CNTN1: variants seen among roughly 807,000 people sequenced by gnomAD.
CNTN1 encodes contactin 1.
In CNTN1, 38 loss-of-function variants were observed where a neutral mutation model predicts 126.4. That is an observed-to-expected ratio of 0.30 (90% CI 0.23 to 0.39). The LOEUF (loss-of-function observed/expected upper bound fraction) is 0.39, where lower values mean the gene tolerates loss of function less well. Ranked by LOEUF, CNTN1 falls within the 10% of genes least tolerant of loss-of-function variation. The probability of loss-of-function intolerance (pLI) is 1.00; values close to 1 mark genes in which losing one functional copy is unlikely to be tolerated. For synonymous variants in CNTN1, 413 were observed against 422.6 expected (o/e 0.98, Z 0.28); for missense variants, 1,009 against 1,248.4 (o/e 0.81, Z 2.89).
intron 17 of CNTN1, among the ~76,000 whole-genome samples, chr12:41,002,554 C>CTTTTTTTTTTTTTTTTTT (rs200237008): frequency 1.5e-5 from 2 of 131,514 alleles, no homozygotes; most frequent in African/African-American, 3.1e-5. Context: ...TATAGGGTTT[C>CTTTTTTTTTTTTTTTTTT]TTTCTTTTTT....
intron 19 of CNTN1, among the ~76,000 whole-genome samples, chr12:41,020,067 G>T (rs1452719867): frequency 6.6e-6 from 1 of 151,890 alleles, no homozygotes; most frequent in Non-Finnish European, 1.5e-5. Context: ...AGTGTGTGTG[G>T]GAATGTGTAT....
intron 23 of CNTN1, among the ~76,000 whole-genome samples, chr12:41,036,532 AG>A (rs1421455754): frequency 2.6e-5 from 4 of 152,166 alleles, no homozygotes; most frequent in African/African-American, 9.6e-5. Context: ...TGATATTTTT[AG>A]TAGCACCATT....
At chr12:40,840,800 A>G (rs961922086) in intron 1 of CNTN1, among the ~76,000 whole-genome samples, 2 of 151,958 alleles carry the variant, frequency 1.3e-5, no homozygotes, top group Non-Finnish European at 1.5e-5. Context: ...AGAGCATACC[A>G]AAACCTATAG....
At chr12:41,017,417 A>G (rs1032096006) in intron 19 of CNTN1, among the ~76,000 whole-genome samples, 1 of 150,836 alleles carries the variant, frequency 6.6e-6, no homozygotes, top group African/African-American at 2.4e-5. Context: ...TAATGTATAT[A>G]TTATATATAT....
chr12:41,053,428 A>AATATATATATATATATATGTAT (rs1949730926), intron 23 of CNTN1, among the ~76,000 whole-genome samples: 2 of 64,116 alleles, frequency 3.1e-5, no homozygotes, highest in Admixed American at 3.8e-4. Context: ...GTTTTCACTA[A>AATATATATATATATATATGTAT]ATATATATAT....
At chr12:40,846,384 C>T (rs56361808) in intron 1 of CNTN1, among the ~76,000 whole-genome samples, 2,864 of 152,272 alleles carry the variant, frequency 0.019, 30 homozygotes, top group African/African-American at 0.025. Context: ...AGGAGAATGG[C>T]GTGAATCCCG....
intron 1 of CNTN1, among the ~76,000 whole-genome samples, chr12:40,795,109 A>T (rs1940363879): frequency 6.6e-6 from 1 of 152,114 alleles, no homozygotes; most frequent in African/African-American, 2.4e-5. Flanking sequence ...GAAAACCCTG[A>T]GGATTCTCAG....
chr12:41,026,983 A>G (rs1949050384), intron 21 of CNTN1, among the ~76,000 whole-genome samples: 1 of 152,152 alleles, frequency 6.6e-6, no homozygotes, highest in South Asian at 2.1e-4. Context: ...GGATGTTGGC[A>G]ATGAGTGGGA....
intron 1 of CNTN1, among the ~76,000 whole-genome samples, chr12:40,808,874 T>A (rs150522087): frequency 0.01 from 1,558 of 152,328 alleles, 20 homozygotes; most frequent in South Asian, 0.036. Context: ...AATTCATACA[T>A]CTGCATGGTC....
chr12:41,041,175 T>C (rs1352187747), intron 23 of CNTN1, among the ~76,000 whole-genome samples: 1 of 139,596 alleles, frequency 7.2e-6, no homozygotes, highest in Admixed American at 7.1e-5. Flanking sequence ...GAGATAATCA[T>C]GTGGTTTTTG....
chr12:40,721,148 T>C (rs1464231306), intron 1 of CNTN1, among the ~76,000 whole-genome samples: 3 of 152,132 alleles, frequency 2.0e-5, no homozygotes, highest in African/African-American at 4.8e-5. Context: ...ATCACACTTA[T>C]CTAGACATCT....
At chr12:40,945,117 G>A (rs536694704) in intron 14 of CNTN1, among the ~76,000 whole-genome samples, 1 of 152,106 alleles carries the variant, frequency 6.6e-6, no homozygotes, top group South Asian at 2.1e-4. Context: ...AGCTACAACT[G>A]TACACCTCTA....
At chr12:40,725,429 GAAAA>G (rs60290681) in intron 1 of CNTN1, among the ~76,000 whole-genome samples, 1 of 128,386 alleles carries the variant, frequency 7.8e-6, no homozygotes, top group South Asian at 2.4e-4. Flanking sequence ...AAAAAGGAAA[GAAAA>G]AAAAAGAAAA....
At chr12:40,732,546 A>G (rs1459257498) in intron 1 of CNTN1, among the ~76,000 whole-genome samples, 4 of 152,074 alleles carry the variant, frequency 2.6e-5, no homozygotes, top group Non-Finnish European at 5.9e-5. Context: ...GCAGAATTGT[A>G]GTTGAGTTGT....
chr12:40,865,859 T>C (rs1390591928), intron 1 of CNTN1, among the ~76,000 whole-genome samples: 1 of 152,048 alleles, frequency 6.6e-6, no homozygotes, highest in African/African-American at 2.4e-5. Flanking sequence ...TGCAAAAAAG[T>C]CAGGTGAAAT....
chr12:40,770,372 C>A (rs1489053617), intron 1 of CNTN1, among the ~76,000 whole-genome samples: 2 of 152,034 alleles, frequency 1.3e-5, no homozygotes, highest in Non-Finnish European at 2.9e-5. Flanking sequence ...AAAGGGCCAA[C>A]TTAGATGCAA....
intron 1 of CNTN1, among the ~76,000 whole-genome samples, chr12:40,790,449 T>A (rs56162468): frequency 0.053 from 8,137 of 152,140 alleles, 300 homozygotes; most frequent in Admixed American, 0.079. Context: ...TCAATGAACA[T>A]CTATGGAGAA....
intron 1 of CNTN1, among the ~76,000 whole-genome samples, chr12:40,893,979 T>C (rs1409806864): frequency 6.6e-6 from 1 of 152,108 alleles, no homozygotes; most frequent in Non-Finnish European, 1.5e-5. Flanking sequence ...CTTTGTTGAA[T>C]AGCAACATCC....
Position 40,985,977 on chromosome 12 carries a change from C to A in CNTN1, c.1963+4910C>A, listed in dbSNP as rs546608390. 3.9e-4 allele frequency among the ~76,000 whole-genome samples: 59 copies of A among 152,066 alleles called. 1 individual carries two copies. The highest frequency in any genetic ancestry group is 7.5e-4 in the Non-Finnish European group (51 of 67,984). The stretch of plus-strand genomic sequence containing the variant: ...CATAGATAATTTATTTTGTTGGATT[C>A]GGTCTGTGAATAATCCCATTAAAAT... On this transcript the variant is annotated intron_variant, in intron 16 of 23. Coordinates refer to ENST00000551295, the MANE Select transcript of CNTN1 (RefSeq NM_001843.4).
Sources: allele counts gnomAD v4.1 joint callset (sites outside exome capture counted in the v4.1 genomes callset), GRCh38; gene constraint gnomAD v4.1.1; transcripts MANE v1.5; gene names NCBI Gene and HGNC (gene_info 2026-07-23, HGNC 2026-07-21).